The following TXNL4A variants were observed in gnomAD, a reference collection of about 807,000 sequenced individuals.
The protein encoded by TXNL4A is thioredoxin like 4A.
Under a neutral mutation model 14.6 loss-of-function variants are expected in TXNL4A, and 17 were observed. The observed-to-expected ratio is 1.16, with a 90% CI of 0.80 to 1.74. The LOEUF is 1.74. Among genes scored for constraint, TXNL4A ranks in the 40% most tolerant of loss-of-function variants. TXNL4A has a pLI of 0.00. For synonymous variants in TXNL4A, 83 were observed against 70.6 expected, an observed-to-expected ratio of 1.18 and a Z score of -0.88; for missense variants, 74 against 195.2, an observed-to-expected ratio of 0.38 and a Z score of 3.70.
At chr18:80,014,280 C>T (rs1470386300) in intron 1 of TXNL4A, among the ~76,000 whole-genome samples, 1 of 152,078 alleles carries the variant, frequency 6.6e-6, no homozygotes, top group South Asian at 2.1e-4. Context: ...GTCCATAGTC[C>T]AAAGTCTCAT....
intron 2 of TXNL4A, 99 bp from the exon 3 acceptor site, chr18:79,973,955 G>A: frequency 8.6e-6 from 13 of 1,512,154 alleles, no homozygotes; most frequent in Non-Finnish European, 1.2e-5. Context: ...ACAAGCTCTT[G>A]TTAACATCAC....
At chr18:79,988,174 G>C in intron 1 of TXNL4A, 66 bp downstream of exon 1, 1 of 1,364,728 alleles carries the variant, frequency 7.3e-7, no homozygotes, top group Middle Eastern at 2.0e-4. Flanking sequence ...GGCGACGCCG[G>C]CAGGGCAGAG....
chr18:79,994,073 A>C (rs935501144), intron 1 of TXNL4A, among the ~76,000 whole-genome samples: 2 of 152,206 alleles, frequency 1.3e-5, no homozygotes, highest in African/African-American at 4.8e-5. Context: ...CCTCTAAATT[A>C]GCTAAAACCC....
At chr18:79,998,634 G>GC (rs1480483519) in intron 1 of TXNL4A, among the ~76,000 whole-genome samples, 1 of 149,088 alleles carries the variant, frequency 6.7e-6, no homozygotes, top group African/African-American at 2.5e-5. Context: ...AGCAACCATG[G>GC]CCCTTCTGTA....
At chr18:79,973,999 G>A in intron 2 of TXNL4A, 143 bp from the exon 3 acceptor site, 4 of 1,116,524 alleles carry the variant, frequency 3.6e-6, no homozygotes, top group Non-Finnish European at 5.0e-6. Flanking sequence ...TGTATGCCAT[G>A]ATGCAGGAGA....
intron 1 of TXNL4A, among the ~76,000 whole-genome samples, chr18:80,026,810 G>A (rs72972230): frequency 0.24 from 36,874 of 152,006 alleles, 5,815 homozygotes; most frequent in Non-Finnish European, 0.35. Context: ...CCATAATGCC[G>A]ACATATCTTT....
chr18:79,971,748 G>C lies in TXNL4A; in HGVS notation c.*1937C>G, dbSNP rs2051304551. 6.6e-6 allele frequency: 1 copy of C among 152,198 alleles called. No homozygotes were observed. The highest frequency in any genetic ancestry group is 1.5e-5 in the Non-Finnish European group (1 of 68,050). 9.4% of individuals were successfully genotyped at this position (152,198 alleles called of 1,614,324 possible). On this transcript the variant is annotated 3_prime_UTR_variant, in exon 3 of 3. Coordinates refer to ENST00000269601, the MANE Select transcript of TXNL4A (RefSeq NM_006701.5). ...GCTTGTTGCGATCTTTTTGTATCTA[G>C]CCGAACTTGTAGGTGTGAAGTGGCG...
At chr18:80,019,874 C>T (rs1402882073) in intron 1 of TXNL4A, among the ~76,000 whole-genome samples, 1 of 152,164 alleles carries the variant, frequency 6.6e-6, no homozygotes, top group Non-Finnish European at 1.5e-5. Flanking sequence ...GTTAAAAATG[C>T]TCCCATACCA....
chr18:80,008,341 A>G (rs1299638676), intron 1 of TXNL4A, among the ~76,000 whole-genome samples: 1 of 152,110 alleles, frequency 6.6e-6, no homozygotes, highest in African/African-American at 2.4e-5. Context: ...TCAGTTTTAC[A>G]TCTGAGAAAA....
chr18:79,992,670 T>G (rs1057233524), upstream of TXNL4A, among the ~76,000 whole-genome samples: 1 of 152,082 alleles, frequency 6.6e-6, no homozygotes, highest in Non-Finnish European at 1.5e-5. Context: ...CCTGGTGAGC[T>G]CCAAGATTTC....
upstream of TXNL4A, among the ~76,000 whole-genome samples, chr18:79,989,503 C>T (rs925076867): frequency 6.6e-6 from 1 of 152,232 alleles, no homozygotes; most frequent in Non-Finnish European, 1.5e-5. Context: ...GCTCCCCAAA[C>T]CCTTACTAGT....
At chr18:79,992,876 T>TAAAAAAAA (rs59567705), upstream of TXNL4A, among the ~76,000 whole-genome samples, 6 of 78,598 alleles carry the variant, frequency 7.6e-5, 1 homozygote, top group African/African-American at 9.4e-5. Flanking sequence ...TCATCTTATG[T>TAAAAAAAA]AAAAAAAAAA....
At chr18:80,000,052 G>C (rs1446080089) in intron 1 of TXNL4A, among the ~76,000 whole-genome samples, 4 of 152,138 alleles carry the variant, frequency 2.6e-5, no homozygotes, top group Non-Finnish European at 4.4e-5. Flanking sequence ...CCCAGTCTTG[G>C]GTGTGTCTTC....
chr18:79,983,712 C>A (rs2051499005), intron 1 of TXNL4A, among the ~76,000 whole-genome samples: 1 of 152,210 alleles, frequency 6.6e-6, no homozygotes, highest in Non-Finnish European at 1.5e-5. Context: ...TCAGCTCTCA[C>A]AATAACTTGC....
intron 1 of TXNL4A, among the ~76,000 whole-genome samples, chr18:79,999,257 C>T (rs1175492635): frequency 6.6e-6 from 1 of 152,012 alleles, no homozygotes; most frequent in Non-Finnish European, 1.5e-5. Flanking sequence ...TATTCTAGGC[C>T]GGGTGCAGTG....
chr18:80,017,505 T>C lies in TXNL4A; in HGVS notation c.-61+16346A>G, dbSNP rs960419862. Among the ~76,000 whole-genome samples, 355 of 152,250 alleles carry C rather than the reference T, an allele frequency of 2.3e-3. 1 individual carries two copies. The highest frequency in any genetic ancestry group is 8.3e-3 in the African/African-American group (344 of 41,534). Reference sequence around the variant, plus strand: ...TATGATATTGGCTGTGGGTTTGTCATAGATAGCTCTTATTATTTTGAGATA... The same window carrying C: ...TATGATATTGGCTGTGGGTTTGTCACAGATAGCTCTTATTATTTTGAGATA... On this transcript the variant is annotated intron_variant, in intron 1 of 2. Transcript: ENST00000585474.
chr18:80,028,239 CAG>C (rs2051897962), intron 1 of TXNL4A, among the ~76,000 whole-genome samples: 1 of 149,176 alleles, frequency 6.7e-6, no homozygotes, highest in African/African-American at 2.5e-5. Context: ...TGTGTGAGAG[CAG>C]TAGCAACCAT....
At chr18:80,015,531 T>G (rs1344685365) in intron 1 of TXNL4A, among the ~76,000 whole-genome samples, 2 of 150,682 alleles carry the variant, frequency 1.3e-5, no homozygotes, top group East Asian at 2.0e-4. Flanking sequence ...CCCACAACAG[T>G]CCCCAGAGTG....
intron 1 of TXNL4A, among the ~76,000 whole-genome samples, chr18:80,027,812 T>C (rs1184409413): frequency 6.6e-6 from 1 of 152,180 alleles, no homozygotes; most frequent in East Asian, 1.9e-4. Flanking sequence ...TTTGGAGGCA[T>C]ATTATCTCAG....
Sources: gnomAD v4.1 joint callset for allele counts (sites outside exome capture counted in the v4.1 genomes callset) on GRCh38, gnomAD v4.1.1 for gene constraint, MANE v1.5 for transcripts, NCBI Gene and HGNC (gene_info 2026-07-23, HGNC 2026-07-21) for gene names.